TAFA4: variants seen among roughly 807,000 people sequenced by gnomAD.
TAFA4 encodes the protein TAFA chemokine like family member 4, also known as chemokine-like protein TAFA-4.
A neutral mutation model predicts 21.1 loss-of-function variants in TAFA4; 20 were observed. That is an observed-to-expected ratio of 0.95 (90% CI 0.67 to 1.38). TAFA4 has a LOEUF of 1.38. Ranked by LOEUF, TAFA4 falls within the 40% of genes most tolerant of loss-of-function variation. The probability of loss-of-function intolerance (pLI) is 0.00; values close to 1 mark genes in which losing one functional copy is unlikely to be tolerated. For synonymous variants in TAFA4, 71 were observed against 67.4 expected, an observed-to-expected ratio of 1.05 and a Z score of -0.26; for missense variants, 211 against 180.9, an observed-to-expected ratio of 1.17 and a Z score of -0.95.
At chr3:68,896,691 T>G (rs1449438330) in intron 1 of TAFA4, among the ~76,000 whole-genome samples, 1 of 152,150 alleles carries the variant, frequency 6.6e-6, no homozygotes, top group Non-Finnish European at 1.5e-5. Flanking sequence ...TACAAGAGAA[T>G]GAATTTGGCC....
chr3:68,783,870 C>A (rs1173258254), intron 3 of TAFA4, among the ~76,000 whole-genome samples: 1 of 151,982 alleles, frequency 6.6e-6, no homozygotes, highest in Admixed American at 6.6e-5. Flanking sequence ...CTTCTTTTTG[C>A]TTTTCAGGTT....
intron 3 of TAFA4, among the ~76,000 whole-genome samples, chr3:68,851,174 G>A (rs1295304348): frequency 2.0e-5 from 3 of 152,160 alleles, no homozygotes; most frequent in African/African-American, 7.2e-5. Context: ...AAAAAGGAAT[G>A]AGATCATGTC....
chr3:68,764,309 C>T (rs1702809383), intron 3 of TAFA4, among the ~76,000 whole-genome samples: 1 of 152,034 alleles, frequency 6.6e-6, no homozygotes, highest in African/African-American at 2.4e-5. Flanking sequence ...GAGCCCCCAC[C>T]AGAAACTGAA....
chr3:68,763,869 T>TACACACACACACACACACACACACACAC (rs147436920), intron 3 of TAFA4, among the ~76,000 whole-genome samples: 27 of 147,350 alleles, frequency 1.8e-4, no homozygotes, highest in African/African-American at 5.7e-4. Flanking sequence ...TATGACAGAC[T>TACACACACACACACACACACACACACAC]ACACACACAC....
chr3:68,814,820 G>C (rs1021709962), intron 3 of TAFA4, among the ~76,000 whole-genome samples: 22 of 152,196 alleles, frequency 1.4e-4, no homozygotes, highest in African/African-American at 4.8e-4. Flanking sequence ...CTACTTTAAA[G>C]TTCATATGGA....
At chr3:68,910,527 C>T (rs188072724) in intron 1 of TAFA4, among the ~76,000 whole-genome samples, 7 of 152,168 alleles carry the variant, frequency 4.6e-5, no homozygotes, top group Non-Finnish European at 1.0e-4. Flanking sequence ...AAAAGAGAAG[C>T]GAGCCAACCC....
intron 3 of TAFA4, among the ~76,000 whole-genome samples, chr3:68,816,739 G>C (rs183009683): frequency 1.2e-4 from 19 of 152,178 alleles, no homozygotes; most frequent in African/African-American, 3.6e-4. Context: ...CACCAGAATA[G>C]AGCAAATGTT....
chr3:68,822,164 A>G (rs1704127628), intron 3 of TAFA4, among the ~76,000 whole-genome samples: 1 of 152,248 alleles, frequency 6.6e-6, no homozygotes, highest in East Asian at 1.9e-4. Context: ...AATGTAACCC[A>G]AACAGTGAAT....
intron 3 of TAFA4, among the ~76,000 whole-genome samples, chr3:68,831,476 G>A (rs916786437): frequency 1.3e-5 from 2 of 152,094 alleles, no homozygotes; most frequent in Non-Finnish European, 2.9e-5. Flanking sequence ...GAAATTCTGG[G>A]TTGGAAATTC....
intron 1 of TAFA4, among the ~76,000 whole-genome samples, chr3:68,900,756 T>C (rs1011326448): frequency 6.6e-6 from 1 of 152,182 alleles, no homozygotes; most frequent in Non-Finnish European, 1.5e-5. Flanking sequence ...ATGAATGGAT[T>C]TGAACACCTA....
rs560312309 is a variant in TAFA4, at chr3:68,739,252, T to C, written c.287-53A>G. 2.9e-5 allele frequency: 46 copies of C among 1,602,506 alleles called. No individual in the cohort carries two copies. The African/African-American group carries it at 5.1e-4, about 18-fold the overall frequency. On this transcript the variant is annotated intron_variant, in intron 4 of 5. Coordinates refer to ENST00000295569, the MANE Select transcript of TAFA4 (RefSeq NM_182522.5). ...GTGACACTGTTTCTTCCTCCAAAGA[T>C]GGACAAAATAAAACTCAATACAGAG...
chr3:68,885,237 T>A lies in TAFA4; in HGVS notation c.-49A>T. On this transcript the variant is annotated 5_prime_UTR_variant, in exon 2 of 6. Coordinates refer to ENST00000295569, the MANE Select transcript of TAFA4 (RefSeq NM_182522.5). ...ACTTATTCCAGGATATATTTCAGAG[T>A]GACTCCAAATTCCCATCTGTTGCTA... The A allele has an allele frequency of 6.3e-7, 1 of 1,580,728 alleles. No individual in the cohort carries two copies. Among genetic ancestry groups the A allele is most frequent in the Non-Finnish European group, 8.7e-7 (1 of 1,155,932 alleles).
At chr3:68,905,828 A>G (rs987625194) in intron 1 of TAFA4, among the ~76,000 whole-genome samples, 3 of 152,218 alleles carry the variant, frequency 2.0e-5, no homozygotes, top group Admixed American at 1.3e-4. Context: ...TCAGATGGTG[A>G]TAAGATCTGT....
At chr3:68,739,003 G>A in intron 5 of TAFA4, 72 bp downstream of exon 5, 1 of 1,585,438 alleles carries the variant, frequency 6.3e-7, no homozygotes, top group Non-Finnish European at 8.6e-7. Flanking sequence ...CTTGATGGCA[G>A]AATAAAATCA....
chr3:68,775,076 T>C (rs145137394), intron 3 of TAFA4, among the ~76,000 whole-genome samples: 15 of 152,288 alleles, frequency 9.8e-5, no homozygotes, highest in African/African-American at 3.6e-4. Context: ...TAACTGACAT[T>C]TGTCAGACCA....
chr3:68,860,296 T>G (rs1436543998), intron 3 of TAFA4, among the ~76,000 whole-genome samples: 2 of 152,164 alleles, frequency 1.3e-5, no homozygotes, highest in Non-Finnish European at 2.9e-5. Context: ...AATTATTAGT[T>G]ATGAATATCA....
intron 3 of TAFA4, among the ~76,000 whole-genome samples, chr3:68,761,780 TC>T (rs1479049934): frequency 6.6e-6 from 1 of 152,174 alleles, no homozygotes; most frequent in African/African-American, 2.4e-5. Context: ...GCCACAGTAA[TC>T]CCTGGAAAGC....
At chr3:68,877,487 T>C (rs2089564339) in intron 3 of TAFA4, among the ~76,000 whole-genome samples, 1 of 152,164 alleles carries the variant, frequency 6.6e-6, no homozygotes, top group African/African-American at 2.4e-5. Context: ...GGGTAAAAGC[T>C]CAGACCCTTC....
At chr3:68,920,394 C>T (rs1418738949) in intron 1 of TAFA4, among the ~76,000 whole-genome samples, 1 of 152,080 alleles carries the variant, frequency 6.6e-6, no homozygotes, top group Non-Finnish European at 1.5e-5. Context: ...AAGTTAAATG[C>T]CAAATATGCT....
Sources: allele counts gnomAD v4.1 joint callset (sites outside exome capture counted in the v4.1 genomes callset), GRCh38; gene constraint gnomAD v4.1.1; transcripts MANE v1.5; gene names NCBI Gene and HGNC (gene_info 2026-07-23, HGNC 2026-07-21).